The following ZDHHC6 variants were observed in gnomAD, a reference collection of about 807,000 sequenced individuals.
ZDHHC6 encodes zDHHC palmitoyltransferase 6, also known as palmitoyltransferase ZDHHC6.
A neutral mutation model predicts 57.8 loss-of-function variants in ZDHHC6; 32 were observed. The ratio of observed to expected loss-of-function variants is 0.55; its 90% CI spans 0.42 to 0.74. ZDHHC6 has a LOEUF of 0.74. Among genes scored for constraint, ZDHHC6 ranks in the 30% least tolerant of loss-of-function variants. The probability of loss-of-function intolerance (pLI) is 0.00; values close to 1 mark genes in which losing one functional copy is unlikely to be tolerated. For synonymous variants in ZDHHC6, 128 were observed against 158.0 expected (o/e 0.81, Z 1.42); for missense variants, 433 against 500.7 (o/e 0.86, Z 1.29).
At position 112,445,157 on chromosome 10, in the gene ZDHHC6, G is replaced by C. The variant is rs377160249; in HGVS notation, c.267+13C>G. On this transcript the variant is annotated intron_variant, in intron 2 of 10. Coordinates refer to ENST00000369405, the MANE Select transcript of ZDHHC6 (RefSeq NM_022494.3). ...TATCATTAAAGTTCATTGTCTTACA[G>C]AATCTTTCTTACCGGTTTCCACCCC... 2 of 1,607,506 alleles carry C rather than the reference G, an allele frequency of 1.2e-6. No homozygotes were observed. The highest frequency in any genetic ancestry group is 8.5e-7 in the Non-Finnish European group (1 of 1,175,574).
In ZDHHC6 at chr10:112,440,056, GGGT is replaced by G. The variant is rs1446408571; in HGVS notation, c.681+475_681+477del. On this transcript the variant is annotated intron_variant, in intron 5 of 10. Coordinates refer to ENST00000369405, the MANE Select transcript of ZDHHC6 (RefSeq NM_022494.3). The stretch of plus-strand genomic sequence containing the variant: ...ATTAGTGTTTACCAAGTACATGAAT[GGGT>G]GACATTGGGTAAGTCACTTAACCTT... 5.3e-5 allele frequency among the ~76,000 whole-genome samples: 8 copies of G among 151,148 alleles called. No individual in the cohort carries two copies. In the South Asian group the frequency reaches 1.5e-3, roughly 28 times the overall value.
chr10:112,427,132 T>G, downstream of ZDHHC6: 1 of 1,394,898 alleles, frequency 7.2e-7, no homozygotes, highest in East Asian at 2.3e-5. Flanking sequence ...TGCATCAACC[T>G]CACTTTCTTC....
At chr10:112,447,041 G>T, upstream of ZDHHC6, 1 of 285,730 alleles carries the variant, frequency 3.5e-6, no homozygotes, top group Non-Finnish European at 6.8e-6. Context: ...CCCAGAACAC[G>T]AAGGGGGGAA....
At chr10:112,441,975 C>T (rs2133908834) in intron 4 of ZDHHC6, among the ~76,000 whole-genome samples, 1 of 152,266 alleles carries the variant, frequency 6.6e-6, no homozygotes, top group East Asian at 1.9e-4. Flanking sequence ...CCTTCAACTA[C>T]AGCATGTAAG....
chr10:112,428,761 A>G, downstream of ZDHHC6, among the ~76,000 whole-genome samples: 1 of 122,708 alleles, frequency 8.1e-6, no homozygotes. Context: ...AAAGTGTGAG[A>G]CTCTGTCTCA....
At chr10:112,427,163 T>G, downstream of ZDHHC6, 1 of 1,557,044 alleles carries the variant, frequency 6.4e-7, no homozygotes, top group Non-Finnish European at 8.7e-7. Flanking sequence ...CAGGGGGCTC[T>G]GCAGAGAAGT....
exon 12 of ZDHHC6, chr10:112,425,281 C>T (rs1375627240): frequency 2.0e-6 from 3 of 1,482,908 alleles, no homozygotes; most frequent in African/African-American, 1.4e-5. Context: ...ACCACTCTCC[C>T]CACTGATATC....
chr10:112,438,353 ACT>A lies in ZDHHC6; in HGVS notation c.716_717del (p.Glu239ValfsTer4). On this transcript the variant is annotated frameshift_variant, in exon 6 of 11. Transcript: ENST00000369405. LOFTEE classifies it high-confidence loss of function. ...AAATTTACCTTCTCTTCAATCCATG[ACT>A]CAATAGAAGTTTTGTTTCTGAGAAT... is the stretch of plus-strand genomic sequence containing the variant. ...KIILRNKTSI[E>X]SWIEEKAKDR... The A allele has an allele frequency of 7.3e-7, 1 of 1,370,092 alleles. No homozygotes were observed. The highest frequency in any genetic ancestry group is 9.7e-7 in the Non-Finnish European group (1 of 1,029,800). 84.9% of individuals were successfully genotyped at this position (1,370,092 alleles called of 1,614,324 possible).
intron 2 of ZDHHC6, among the ~76,000 whole-genome samples, 158 bp downstream of exon 2, chr10:112,445,012 A>G (rs565384761): frequency 6.6e-6 from 1 of 152,320 alleles, no homozygotes; most frequent in Non-Finnish European, 1.5e-5. Flanking sequence ...GATATGAAAT[A>G]AAGTCTCCGA....
upstream of ZDHHC6, chr10:112,447,507 G>C (rs1250211137): frequency 6.2e-7 from 1 of 1,605,014 alleles, no homozygotes; most frequent in Non-Finnish European, 8.5e-7. Flanking sequence ...GCTGGGGAGA[G>C]CTGGGAGGGT....
chr10:112,445,542 T>C lies in ZDHHC6; in HGVS notation c.-106A>G. The C allele has an allele frequency of 7.5e-7, 1 of 1,329,650 alleles. No individual in the cohort carries two copies. The highest frequency in any genetic ancestry group is 1.0e-6 in the Non-Finnish European group (1 of 978,508). 82.4% of individuals were successfully genotyped at this position (1,329,650 alleles called of 1,614,324 possible). A position where few individuals can be genotyped will look rare whatever the true frequency, so the allele number is the denominator to read the frequency against. On this transcript the variant is annotated 5_prime_UTR_variant, in exon 2 of 11. It removes an upstream start codon present in the reference 5' UTR. Transcript: ENST00000369405. ...GTCCATGTGTGTTCTTTAATTGTCA[T>C]GCCTTCAAGCTGTGAACTGTTAACG...
In ZDHHC6 at chr10:112,442,203, G is replaced by C; in HGVS notation, c.508C>G (p.Leu170Val). Residue 170 changes from leucine to valine, a missense_variant, in exon 4 of 11, where the codon CTT (leucine) becomes GTT (valine). By Grantham distance (32) the Leu-to-Val change is conservative. Transcript: ENST00000369405. Reference protein sequence around the residue: ...FIFVMTMYTQLYHRLSFGWNT... With the variant: ...FIFVMTMYTQVYHRLSFGWNT... ...TCATTTTCACTTACCCGATGATAAA[G>C]CTGTGTGTACATAGTCATCACAAAA... The C allele has an allele frequency of 6.2e-7, 1 of 1,607,766 alleles. No individual in the cohort carries two copies.
downstream of ZDHHC6, chr10:112,426,763 T>C: frequency 6.2e-7 from 1 of 1,608,900 alleles, no homozygotes; most frequent in Non-Finnish European, 8.5e-7. Flanking sequence ...ACAGCCATGC[T>C]TTAAGTGATG....
intron 6 of ZDHHC6, among the ~76,000 whole-genome samples, chr10:112,435,793 A>C (rs1564758273): frequency 6.6e-6 from 1 of 152,250 alleles, no homozygotes; most frequent in Non-Finnish European, 1.5e-5. Context: ...ATTTACAAAG[A>C]AAAACTGGTA....
intron 4 of ZDHHC6, among the ~76,000 whole-genome samples, chr10:112,441,425 A>G (rs1846109619): frequency 2.0e-5 from 3 of 152,232 alleles, no homozygotes; most frequent in Admixed American, 6.5e-5. Flanking sequence ...GTGATGAAGA[A>G]CTGATAAAAT....
rs766989139 is a variant in ZDHHC6 at position 112,430,803 on chromosome 10, GCTAT to G, written c.1239_1242del (p.Arg413SerfsTer4). The G allele has an allele frequency of 1.2e-6, 2 of 1,610,490 alleles. No individual in the cohort carries two copies. Among genetic ancestry groups the G allele is most frequent in the Non-Finnish European group, 1.7e-6 (2 of 1,178,588 alleles). Reference sequence around the variant, plus strand: ...AAAGGATAATTTTGTTTTAACAGCAGCTATCTATTTTTCTTCTCCCCCTCTGGGG... The same window carrying G: ...AAAGGATAATTTTGTTTTAACAGCAGCTATTTTTCTTCTCCCCCTCTGGGG... On this transcript the variant is annotated frameshift_variant and stop_lost, in exon 11 of 11. Coordinates refer to ENST00000369405, the MANE Select transcript of ZDHHC6 (RefSeq NM_022494.3). LOFTEE classifies it high-confidence loss of function.
chr10:112,438,748 T>C (rs1252921931), intron 5 of ZDHHC6, among the ~76,000 whole-genome samples: 1 of 152,224 alleles, frequency 6.6e-6, no homozygotes, highest in Non-Finnish European at 1.5e-5. Flanking sequence ...TAAAATCTTT[T>C]ATCACTATTT....
At chr10:112,434,109 A>G (rs1845292310) in intron 7 of ZDHHC6, among the ~76,000 whole-genome samples, 188 bp downstream of exon 7, 1 of 152,208 alleles carries the variant, frequency 6.6e-6, no homozygotes, top group Non-Finnish European at 1.5e-5. Context: ...GGTATAGAGA[A>G]TTAAGGAGAT....
intron 6 of ZDHHC6, 95 bp downstream of exon 6, chr10:112,438,241 C>T (rs1047024600): frequency 5.5e-6 from 5 of 911,850 alleles, no homozygotes; most frequent in South Asian, 6.7e-5. Context: ...TTTCGTTAAT[C>T]CGGTCTAATA....
Sources: gnomAD v4.1 joint callset for allele counts (sites outside exome capture counted in the v4.1 genomes callset) on GRCh38, gnomAD v4.1.1 for gene constraint, MANE v1.5 for transcripts, NCBI Gene and HGNC (gene_info 2026-07-23, HGNC 2026-07-21) for gene names.